Variants in PDHB observed in about 807,000 individuals in gnomAD.
PDHB encodes pyruvate dehydrogenase E1 subunit beta, also known as pyruvate dehydrogenase E1 component subunit beta, mitochondrial.
In PDHB, 17 loss-of-function variants were observed where a neutral mutation model predicts 42.8. The ratio of observed to expected loss-of-function variants is 0.40; its 90% CI spans 0.27 to 0.60. The LOEUF is 0.60. PDHB is among the 20% of genes least tolerant of loss of function. PDHB has a pLI of 0.46. For synonymous variants in PDHB, 154 were observed against 148.7 expected, an observed-to-expected ratio of 1.04 and a Z score of -0.26; for missense variants, 322 against 451.3, an observed-to-expected ratio of 0.71 and a Z score of 2.60.
chr3:58,428,574 GT>G lies in PDHB; in HGVS notation c.832del (p.Thr278ProfsTer2). 4 of 1,613,620 alleles carry G rather than the reference GT, an allele frequency of 2.5e-6. No homozygotes were observed. The highest frequency in any genetic ancestry group is 3.4e-6 in the Non-Finnish European group (4 of 1,179,568). On this transcript the variant is annotated frameshift_variant, in exon 9 of 10. Coordinates refer to ENST00000302746, the MANE Select transcript of PDHB (RefSeq NM_000925.4). LOFTEE classifies it high-confidence loss of function. ...MRTIRPMDME[T>X]IEASVMKTNH... ...TGTCTTCATGACACTGGCTTCTATGGTTTCCATGTCCATTGGTCTAATGGTA... is the reference window on the plus strand; with the variant it reads ...TGTCTTCATGACACTGGCTTCTATGGTTCCATGTCCATTGGTCTAATGGTA...
intron 8 of PDHB, 111 bp downstream of exon 8, chr3:58,429,597 G>A: frequency 1.3e-6 from 1 of 784,420 alleles, no homozygotes. Context: ...AGACAGAAAT[G>A]AGTGACAAAG....
intron 7 of PDHB, 36 bp downstream of exon 7, chr3:58,430,092 A>G (rs1469558235): frequency 4.0e-6 from 5 of 1,249,006 alleles, no homozygotes; most frequent in Non-Finnish European, 5.9e-6. Context: ...GAGGGGCTGG[A>G]TTAAAAATAC....
At position 58,431,020 on chromosome 3, in the gene PDHB, C is replaced by T; in HGVS notation, c.304-78G>A. On this transcript the variant is annotated intron_variant, in intron 5 of 9. Coordinates refer to ENST00000302746, the MANE Select transcript of PDHB (RefSeq NM_000925.4). This position sits in a 1 kb window ranked among gnomAD's most constrained non-coding sequence, Gnocchi z 4.4. The stretch of plus-strand genomic sequence containing the variant: ...TAGCAAACAAATCACTCCAAGTCTT[C>T]CAACATTCAAATAATGTTTTTATTT... 13 of 1,307,408 alleles carry T rather than the reference C, an allele frequency of 9.9e-6. No individual in the cohort carries two copies. Among genetic ancestry groups the T allele is most frequent in the Non-Finnish European group, 1.4e-5 (13 of 902,842 alleles). 81.0% of individuals were successfully genotyped at this position (1,307,408 alleles called of 1,614,324 possible).
rs773743199 is a variant in PDHB, at chr3:58,427,948, A to G, written c.*86T>C. On this transcript the variant is annotated 3_prime_UTR_variant, in exon 10 of 10. Transcript: ENST00000302746. ...GCTTTAGAAATCGTTTTCCGTTATG[A>G]ATAGTCAGGTCTTGCAGTACAAATC... The G allele has an allele frequency of 2.8e-5, 28 of 986,130 alleles. No individual in the cohort carries two copies. Among genetic ancestry groups the G allele is most frequent in the Non-Finnish European group, 4.3e-5 (27 of 631,148 alleles). The allele number at this position is 986,130 out of a possible 1,614,324, so 61.1% of individuals were successfully genotyped here.
Position 58,431,862 on chromosome 3 carries a change from A to T in PDHB, c.204+15T>A. Reference sequence around the variant, plus strand: ...GTGACCTCAATTTTGTATAACTTTCATATATTTTAGTTACCTTGTATGCCC... The same window carrying T: ...GTGACCTCAATTTTGTATAACTTTCTTATATTTTAGTTACCTTGTATGCCC... On this transcript the variant is annotated intron_variant, in intron 3 of 9. Transcript: ENST00000302746. This position sits in a 1 kb window ranked among gnomAD's most constrained non-coding sequence, Gnocchi z 4.4. The T allele has an allele frequency of 6.2e-7, 1 of 1,608,242 alleles. No individual in the cohort carries two copies. The highest frequency in any genetic ancestry group is 8.5e-7 in the Non-Finnish European group (1 of 1,174,666).
chr3:58,430,945 G>GT lies in PDHB; in HGVS notation c.304-4dup, dbSNP rs1285910313. The stretch of plus-strand genomic sequence containing the variant: ...TCACAAATGGGCCGCAACCCAGCCT[G>GT]TAAAATCAAAAACGTGGATGTTAAA... On this transcript the variant is annotated splice_region_variant and splice_polypyrimidine_tract_variant and intron_variant, in intron 5 of 9. Transcript: ENST00000302746. 9.3e-6 allele frequency: 15 copies of GT among 1,613,964 alleles called. No individual in the cohort carries two copies. Among genetic ancestry groups the GT allele is most frequent in the Non-Finnish European group, 1.3e-5 (15 of 1,179,990 alleles).
At position 58,427,653 on chromosome 3, in the gene PDHB, C is replaced by A; in HGVS notation, c.*381G>T. ...AGTCATGTTAGAAATTCCTTTATTCCTTATCAAAACAAACTAACAGTAAAT... is the reference window on the plus strand; with the variant it reads ...AGTCATGTTAGAAATTCCTTTATTCATTATCAAAACAAACTAACAGTAAAT... On this transcript the variant is annotated 3_prime_UTR_variant, in exon 10 of 10. Transcript: ENST00000302746. 1 of 360,638 alleles carries A rather than the reference C, an allele frequency of 2.8e-6. No homozygotes were observed. The highest frequency in any genetic ancestry group is 5.4e-6 in the Non-Finnish European group (1 of 185,194). The allele number at this position is 360,638 out of a possible 1,614,324, so 22.3% of individuals were successfully genotyped here.
In PDHB at chr3:58,430,878, A is replaced by C; in HGVS notation, c.368T>G (p.Val123Gly). 6.2e-7 allele frequency: 1 copy of C among 1,614,188 alleles called. No individual in the cohort carries two copies. Among genetic ancestry groups the C allele is most frequent in the Non-Finnish European group, 8.5e-7 (1 of 1,180,022 alleles). The change falls in exon 6 of 10, where the codon GTT becomes GGT. Residue 123 changes from valine to glycine, a missense_variant. Transcript: ENST00000302746. Reference protein sequence around the residue: ...FNFSMQAIDQVINSAAKTYYM... With the variant: ...FNFSMQAIDQGINSAAKTYYM... ...GTAGGTCTTGGCAGCTGAGTTTATA[A>C]CCTGGTCAATGGCTTGCATGGAGAA...
intron 2 of PDHB, 39 bp from the exon 3 acceptor site, chr3:58,432,023 T>C (rs377553050): frequency 2.0e-4 from 285 of 1,415,688 alleles, no homozygotes; most frequent in East Asian, 5.7e-4. Flanking sequence ...ACAGAATTGT[T>C]TGGGATTCAA....
chr3:58,430,544 A>C (rs1301557669), intron 6 of PDHB, 113 bp downstream of exon 6: 5 of 871,646 alleles, frequency 5.7e-6, no homozygotes, highest in Non-Finnish European at 9.5e-6. Context: ...AAGTATTAAC[A>C]TTCTATACGA....
Position 58,431,503 on chromosome 3 carries a change from G to T in PDHB, c.303+90C>A. On this transcript the variant is annotated intron_variant, in intron 5 of 9. Transcript: ENST00000302746. The surrounding 1 kb of genome is among the most constrained non-coding windows in gnomAD (Gnocchi z 4.4). ...CTGAGATGGTGCCAGTGCACTCCAG[G>T]CTGGACAACAGAGTGAGACTCTGTC... 2.9e-6 allele frequency: 3 copies of T among 1,038,206 alleles called. No individual in the cohort carries two copies. Among genetic ancestry groups the T allele is most frequent in the Non-Finnish European group, 4.5e-6 (3 of 661,202 alleles). The allele number at this position is 1,038,206 out of a possible 1,614,324, so 64.3% of individuals were successfully genotyped here. A position where few individuals can be genotyped will look rare whatever the true frequency, so the allele number is the denominator to read the frequency against.
In PDHB at chr3:58,431,146, T is replaced by C; in HGVS notation, c.304-204A>G. 1 of 604,862 alleles carries C rather than the reference T, an allele frequency of 1.7e-6. No individual in the cohort carries two copies. The highest frequency in any genetic ancestry group is 2.0e-5 in the South Asian group (1 of 49,764). 37.5% of individuals were successfully genotyped at this position (604,862 alleles called of 1,614,324 possible). A position where few individuals can be genotyped will look rare whatever the true frequency, so the allele number is the denominator to read the frequency against. ...GCAGCCTCTAACTCCTAGGCTCAAG[T>C]AATCCTTCCTCAGCATCCCGAGTAG... On this transcript the variant is annotated intron_variant, in intron 5 of 9. Coordinates refer to ENST00000302746, the MANE Select transcript of PDHB (RefSeq NM_000925.4). This position sits in a 1 kb window ranked among gnomAD's most constrained non-coding sequence, Gnocchi z 4.4.
chr3:58,429,807 C>T lies in PDHB; in HGVS notation c.701-8G>A, dbSNP rs370346593. The T allele has an allele frequency of 6.5e-6, 10 of 1,541,918 alleles. No homozygotes were observed. Among genetic ancestry groups the T allele is most frequent in the African/African-American group, 1.4e-5 (1 of 73,624 alleles). On this transcript the variant is annotated splice_region_variant and splice_polypyrimidine_tract_variant and intron_variant, in intron 7 of 9. Transcript: ENST00000302746. ...CCACAGTTATATGTGTTCCTGAAAA[C>T]AGAGTGGTCACAGATCAGAGATCAG...
At position 58,431,306 on chromosome 3, in the gene PDHB, T is replaced by C; in HGVS notation, c.303+287A>G. On this transcript the variant is annotated intron_variant, in intron 5 of 9. Transcript: ENST00000302746. This position sits in a 1 kb window ranked among gnomAD's most constrained non-coding sequence, Gnocchi z 4.4. ...GCTCACGCCTGTAATCCCAGCACTT[T>C]GGGAGGCCAAGGCGGTCGGATCACT... is the stretch of plus-strand genomic sequence containing the variant. 1 of 469,048 alleles carries C rather than the reference T, an allele frequency of 2.1e-6. No homozygotes were observed. The highest frequency in any genetic ancestry group is 3.9e-6 in the Non-Finnish European group (1 of 258,086). The allele number at this position is 469,048 out of a possible 1,614,324, so 29.1% of individuals were successfully genotyped here.
intron 8 of PDHB, 92 bp from the exon 9 acceptor site, chr3:58,428,706 A>G: frequency 8.6e-7 from 1 of 1,162,426 alleles, no homozygotes; most frequent in Non-Finnish European, 1.3e-6. Context: ...GTTTCCTGTT[A>G]ATCTTTGTAT....
In PDHB at chr3:58,431,912, C is replaced by A; in HGVS notation, c.169G>T (p.Gly57Ter). ...CCATCATACTGGGCAACTTCTTCTCCAAGCAGAAATACCTTCTCATCTCTT... is the reference window on the plus strand; with the variant it reads ...CCATCATACTGGGCAACTTCTTCTCAAAGCAGAAATACCTTCTCATCTCTT... The part of the protein sequence containing the change: ...LERDEKVFLL[G>*]EEVAQYDGAY... Residue 57 changes from glycine to a stop codon, truncating the protein, a stop_gained, in exon 3 of 10, where the codon GGA becomes TGA. Transcript: ENST00000302746. LOFTEE classifies it high-confidence loss of function. This position sits in a 1 kb window ranked among gnomAD's most constrained non-coding sequence, Gnocchi z 4.4. The A allele has an allele frequency of 6.2e-7, 1 of 1,613,932 alleles. No individual in the cohort carries two copies. Among genetic ancestry groups the A allele is most frequent in the Non-Finnish European group, 8.5e-7 (1 of 1,179,832 alleles).
In PDHB at chr3:58,428,719, A is replaced by G. The variant is rs1055522125; in HGVS notation, c.793-105T>C. On this transcript the variant is annotated intron_variant, in intron 8 of 9. Transcript: ENST00000302746. Reference sequence around the variant, plus strand: ...TTGTTTCCTGTTAATCTTTGTATCTAGGAAAATCTAATCTGCCTATGAATA... The same window carrying G: ...TTGTTTCCTGTTAATCTTTGTATCTGGGAAAATCTAATCTGCCTATGAATA... 3 of 1,041,512 alleles carry G rather than the reference A, an allele frequency of 2.9e-6. No homozygotes were observed. In the African/African-American group the frequency reaches 4.7e-5, roughly 16 times the overall value. 64.5% of individuals were successfully genotyped at this position (1,041,512 alleles called of 1,614,324 possible).
In PDHB at chr3:58,431,134, C is replaced by T. The variant is rs1344412606; in HGVS notation, c.304-192G>A. 4.8e-6 allele frequency: 3 copies of T among 627,382 alleles called. No homozygotes were observed. The African/African-American group carries it at 5.5e-5, about 11-fold the overall frequency. The allele number at this position is 627,382 out of a possible 1,614,324, so 38.9% of individuals were successfully genotyped here. The stretch of plus-strand genomic sequence containing the variant: ...TCATAGCTCACTGCAGCCTCTAACT[C>T]CTAGGCTCAAGTAATCCTTCCTCAG... On this transcript the variant is annotated intron_variant, in intron 5 of 9. Transcript: ENST00000302746. This position sits in a 1 kb window ranked among gnomAD's most constrained non-coding sequence, Gnocchi z 4.4.
rs1576957531 is a variant in PDHB, at chr3:58,431,190, A to AC, written c.304-249dup. 7 of 557,332 alleles carry AC rather than the reference A, an allele frequency of 1.3e-5. No individual in the cohort carries two copies. In the East Asian group the frequency reaches 2.1e-4, roughly 17 times the overall value. The allele number at this position is 557,332 out of a possible 1,614,324, so 34.5% of individuals were successfully genotyped here. A position where few individuals can be genotyped will look rare whatever the true frequency, so the allele number is the denominator to read the frequency against. The stretch of plus-strand genomic sequence containing the variant: ...CGAGTAGCTGGGACTGCAGGCAAGC[A>AC]CCACCACATCTACCTACTTGGTATT... On this transcript the variant is annotated intron_variant, in intron 5 of 9. Coordinates refer to ENST00000302746, the MANE Select transcript of PDHB (RefSeq NM_000925.4). This position sits in a 1 kb window ranked among gnomAD's most constrained non-coding sequence, Gnocchi z 4.4.
Sources: allele counts gnomAD v4.1 joint callset, GRCh38; gene constraint gnomAD v4.1.1; non-coding constraint Gnocchi (gnomAD v3.1); transcripts MANE v1.5; gene names NCBI Gene and HGNC (gene_info 2026-07-23, HGNC 2026-07-21).